C6: variants seen among roughly 807,000 people sequenced by gnomAD.
The protein encoded by C6 is complement component C6.
A neutral mutation model predicts 112.9 loss-of-function variants in C6; 101 were observed. The ratio of observed to expected loss-of-function variants is 0.89; its 90% CI spans 0.76 to 1.06. The LOEUF (loss-of-function observed/expected upper bound fraction) is 1.06, where lower values mean the gene tolerates loss of function less well. Among genes scored for constraint, C6 ranks in the 50% least tolerant of loss-of-function variants. C6 has a pLI of 0.00. For missense variants in C6, 1,202 were observed against 1,104.6 expected, an observed-to-expected ratio of 1.09 and a Z score of -1.25; for synonymous variants, 431 against 384.1, an observed-to-expected ratio of 1.12 and a Z score of -1.43.
At chr5:41,243,970 C>T (rs1292932841) in intron 1 of C6, among the ~76,000 whole-genome samples, 3 of 152,176 alleles carry the variant, frequency 2.0e-5, no homozygotes, top group African/African-American at 7.2e-5. Context: ...ACAATATTGT[C>T]TTCATTTCTT....
intron 1 of C6, among the ~76,000 whole-genome samples, chr5:41,249,415 G>T (rs182675831): frequency 1.0e-3 from 154 of 152,236 alleles, no homozygotes; most frequent in African/African-American, 3.7e-3. Flanking sequence ...TACTGAAAAT[G>T]ATAGTAGAAC....
chr5:41,209,497 T>A (rs1239154153), intron 1 of C6, among the ~76,000 whole-genome samples: 1 of 152,156 alleles, frequency 6.6e-6, no homozygotes, highest in African/African-American at 2.4e-5. Context: ...AAAATCTCCT[T>A]AAGCTGATAA....
chr5:41,205,404 A>G (rs150722148), intron 1 of C6, among the ~76,000 whole-genome samples: 4 of 152,286 alleles, frequency 2.6e-5, no homozygotes, highest in African/African-American at 9.6e-5. Flanking sequence ...ATGGAGTGTG[A>G]GCTGAAGAAG....
intron 17 of C6, among the ~76,000 whole-genome samples, chr5:41,146,716 A>G (rs1247627852): frequency 6.6e-6 from 1 of 152,180 alleles, no homozygotes; most frequent in African/African-American, 2.4e-5. Flanking sequence ...TTGACTACCC[A>G]AAGCATTCTG....
intron 7 of C6, among the ~76,000 whole-genome samples, chr5:41,180,834 A>G (rs1348953494): frequency 6.9e-6 from 1 of 143,986 alleles, no homozygotes; most frequent in Non-Finnish European, 1.5e-5. Context: ...TGAGGAATTA[A>G]AAAAAAAAAA....
At position 41,142,627 on chromosome 5, in the gene C6, G is replaced by A. The variant is rs767113481; in HGVS notation, c.*198C>T. The stretch of plus-strand genomic sequence containing the variant: ...GGTACCTAGGGGTATGCTACAGGGC[G>A]TCATGAGCTGGAACTGAATAAGACA... On this transcript the variant is annotated 3_prime_UTR_variant, in exon 18 of 18. Transcript: ENST00000337836. The A allele has an allele frequency of 1.1e-4, 69 of 607,020 alleles. No individual in the cohort carries two copies. The highest frequency in any genetic ancestry group is 1.7e-4 in the Non-Finnish European group (57 of 334,084). 37.6% of individuals were successfully genotyped at this position (607,020 alleles called of 1,614,324 possible). A position where few individuals can be genotyped will look rare whatever the true frequency, so the allele number is the denominator to read the frequency against.
At chr5:41,250,715 C>CCCCAGGTGAG (rs1561206657) in intron 1 of C6, among the ~76,000 whole-genome samples, 3 of 152,138 alleles carry the variant, frequency 2.0e-5, no homozygotes, top group Non-Finnish European at 4.4e-5. Context: ...GCCCAGATGA[C>CCCCAGGTGAG]CCCAGGTGAG....
At chr5:41,182,184 CTT>C (rs1232693015) in intron 6 of C6, among the ~76,000 whole-genome samples, 1 of 151,776 alleles carries the variant, frequency 6.6e-6, no homozygotes, top group Admixed American at 6.6e-5. Context: ...TTTCCCTACT[CTT>C]TTTGGCCAAT....
At chr5:41,214,930 G>C (rs991051211), upstream of C6, among the ~76,000 whole-genome samples, 1 of 152,050 alleles carries the variant, frequency 6.6e-6, no homozygotes, top group Non-Finnish European at 1.5e-5. Context: ...AGAGAGTTAA[G>C]GATGGTAAGG....
At chr5:41,150,207 GCA>G (rs1746253524) in intron 15 of C6, among the ~76,000 whole-genome samples, 182 bp from the exon 16 acceptor site, 1 of 152,152 alleles carries the variant, frequency 6.6e-6, no homozygotes, top group Non-Finnish European at 1.5e-5. Flanking sequence ...CCTTTCCAGT[GCA>G]CATGAGGTGT....
At chr5:41,213,583 T>G, upstream of C6, 3 of 984,596 alleles carry the variant, frequency 3.0e-6, no homozygotes, top group Non-Finnish European at 3.6e-6. Flanking sequence ...ACTTGAACTT[T>G]GCAAATGATT....
chr5:41,191,208 A>G (rs886262731), intron 5 of C6, among the ~76,000 whole-genome samples: 2 of 151,524 alleles, frequency 1.3e-5, no homozygotes, highest in African/African-American at 4.9e-5. Context: ...CTGGGACTAC[A>G]GATGCCCACC....
chr5:41,178,466 C>CTTTTTTTTTTTTTTTTTTTTTTT (rs70988836), intron 7 of C6, among the ~76,000 whole-genome samples: 2 of 101,592 alleles, frequency 2.0e-5, no homozygotes, highest in African/African-American at 3.8e-5. Flanking sequence ...TTTTCTTTTT[C>CTTTTTTTTTTTTTTTTTTTTTTT]TTTTTTTTTT....
chr5:41,152,610 C>T (rs1410970284), intron 15 of C6: 4 of 152,162 alleles, frequency 2.6e-5, no homozygotes, highest in Non-Finnish European at 5.9e-5. Flanking sequence ...GTTTCTTATT[C>T]ACAGTTGTTT....
rs546273992 is a variant in C6, at chr5:41,256,523, C to T, written c.-21+4671G>A. On this transcript the variant is annotated intron_variant, in intron 1 of 17. Coordinates refer to the C6 transcript ENST00000263413. ...ACCCAGACTGCTAAGCTTCCCTTAA[C>T]GTCACCTTTTCAGTTACTGAAATCA... Among the ~76,000 whole-genome samples, 28 of 149,554 alleles carry T rather than the reference C, an allele frequency of 1.9e-4. 1 individual carries two copies. The highest frequency in any genetic ancestry group is 8.5e-4 in the South Asian group (4 of 4,698).
chr5:41,258,047 A>C (rs546409771), intron 1 of C6, among the ~76,000 whole-genome samples: 1 of 152,258 alleles, frequency 6.6e-6, no homozygotes, highest in Admixed American at 6.5e-5. Context: ...TATGACTTAA[A>C]AACAACAACA....
At chr5:41,216,265 T>C (rs1459315742), upstream of C6, among the ~76,000 whole-genome samples, 1 of 152,110 alleles carries the variant, frequency 6.6e-6, no homozygotes, top group Non-Finnish European at 1.5e-5. Context: ...CCAACTATTC[T>C]CTCAATGACC....
intron 1 of C6, chr5:41,261,147 G>A (rs1234758805): frequency 6.0e-5 from 58 of 970,206 alleles, no homozygotes; most frequent in Non-Finnish European, 7.0e-5. Context: ...AACCTCATAT[G>A]CATGCCCACC....
chr5:41,178,873 G>T (rs561948454), intron 7 of C6, among the ~76,000 whole-genome samples: 3 of 149,256 alleles, frequency 2.0e-5, no homozygotes, highest in East Asian at 2.0e-4. Flanking sequence ...ACAATTTTTT[G>T]TTGTTGTTGT....
Sources: gnomAD v4.1 joint callset for allele counts (sites outside exome capture counted in the v4.1 genomes callset) on GRCh38, gnomAD v4.1.1 for gene constraint, MANE v1.5 for transcripts, NCBI Gene and HGNC (gene_info 2026-07-23, HGNC 2026-07-21) for gene names.